The following SH3PXD2A variants were observed in gnomAD, a reference collection of about 807,000 sequenced individuals.
SH3PXD2A encodes the protein SH3 and PX domains 2A.
A neutral mutation model predicts 115.2 loss-of-function variants in SH3PXD2A; 32 were observed. That is an observed-to-expected ratio of 0.28 (90% CI 0.21 to 0.37). The LOEUF is 0.37. SH3PXD2A is among the 10% of genes least tolerant of loss of function. The pLI, the probability that SH3PXD2A is intolerant of heterozygous loss-of-function variation, is 1.00. For missense variants in SH3PXD2A, 1,328 were observed against 1,498.7 expected (o/e 0.89, Z 1.88); for synonymous variants, 610 against 629.1 (o/e 0.97, Z 0.45).
intron 6 of SH3PXD2A, among the ~76,000 whole-genome samples, chr10:103,675,176 G>C (rs1002138618): frequency 1.3e-5 from 2 of 152,222 alleles, no homozygotes; most frequent in African/African-American, 4.8e-5. Context: ...AGCTGGCTTC[G>C]TGGAGGTGTG....
intron 3 of SH3PXD2A, among the ~76,000 whole-genome samples, chr10:103,744,076 T>C (rs763671434): frequency 3.3e-5 from 5 of 151,988 alleles, no homozygotes; most frequent in African/African-American, 4.8e-5. Flanking sequence ...TTCCTGACCA[T>C]GGGGCCACCC....
At position 103,617,204 on chromosome 10, in the gene SH3PXD2A, A is replaced by G. The variant is rs1485117246; in HGVS notation, c.913T>C (p.Tyr305His). The G allele has an allele frequency of 1.2e-6, 2 of 1,611,424 alleles. No individual in the cohort carries two copies. The highest frequency in any genetic ancestry group is 1.1e-5 in the South Asian group (1 of 90,996). Reference sequence around the variant, plus strand: ...AATGTAAGGGTTCCCTACCTGATATACCACCAGCCTTCCAGATTCTTCCGG... The same window carrying G: ...AATGTAAGGGTTCCCTACCTGATATGCCACCAGCCTTCCAGATTCTTCCGG... ...VIRKNLEGWWYIRYLGKEGWA... is the reference protein window; with the variant it reads ...VIRKNLEGWWHIRYLGKEGWA... The change falls in exon 11 of 15, where the codon TAT becomes CAT. Residue 305 changes from tyrosine to histidine, a missense_variant. Coordinates refer to ENST00000369774, the MANE Select transcript of SH3PXD2A (RefSeq NM_001394015.1).
intron 8 of SH3PXD2A, among the ~76,000 whole-genome samples, chr10:103,643,057 C>T (rs564119212): frequency 6.6e-6 from 1 of 152,192 alleles, no homozygotes; most frequent in Non-Finnish European, 1.5e-5. Context: ...CCTCCAAAGC[C>T]TCCTTATTTA....
At chr10:103,605,740 G>A in intron 14 of SH3PXD2A, 58 bp downstream of exon 14, 1 of 1,609,000 alleles carries the variant, frequency 6.2e-7, no homozygotes. Context: ...AATGGGAAAT[G>A]CAGTAGGTTT....
intron 4 of SH3PXD2A, among the ~76,000 whole-genome samples, chr10:103,729,983 CCA>C (rs2038294690): frequency 6.6e-6 from 1 of 152,164 alleles, no homozygotes. Flanking sequence ...TCTAAGACCT[CCA>C]CTCAGCTATG....
At chr10:103,662,138 G>A (rs1408708395) in intron 7 of SH3PXD2A, among the ~76,000 whole-genome samples, 1 of 152,118 alleles carries the variant, frequency 6.6e-6, no homozygotes, top group Non-Finnish European at 1.5e-5. Context: ...GTCAAAAGCT[G>A]GGTGCAGCAG....
intron 3 of SH3PXD2A, among the ~76,000 whole-genome samples, chr10:103,762,014 CTTTTTTTTTTTTT>C (rs79615908): frequency 0.42 from 38,589 of 92,662 alleles, 5,914 homozygotes; most frequent in Middle Eastern, 0.54. Flanking sequence ...ATCAACACGT[CTTTTTTTTTTTTT>C]TTTTTTTTTT....
At chr10:103,694,831 G>A (rs1034361895) in intron 5 of SH3PXD2A, among the ~76,000 whole-genome samples, 1 of 152,168 alleles carries the variant, frequency 6.6e-6, no homozygotes, top group South Asian at 2.1e-4. Context: ...ACAGAAAGGT[G>A]GGAGAGCTTC....
intron 3 of SH3PXD2A, among the ~76,000 whole-genome samples, chr10:103,742,949 C>G (rs1388876584): frequency 4.1e-5 from 3 of 72,754 alleles, no homozygotes; most frequent in African/African-American, 3.4e-4. Context: ...GAACCTCCCT[C>G]CCCCCCTCAA....
intron 1 of SH3PXD2A, among the ~76,000 whole-genome samples, chr10:103,840,194 G>T (rs750460750): frequency 2.0e-4 from 30 of 152,250 alleles, no homozygotes; most frequent in Non-Finnish European, 3.5e-4. Flanking sequence ...CGGGGAGGTT[G>T]CCCCGCTTCC....
chr10:103,763,942 T>A (rs908038599), intron 3 of SH3PXD2A, among the ~76,000 whole-genome samples: 1 of 152,234 alleles, frequency 6.6e-6, no homozygotes, highest in Non-Finnish European at 1.5e-5. Context: ...CACACATCTC[T>A]GCCTCACTTC....
At chr10:103,607,579 C>T (rs1275433548) in intron 13 of SH3PXD2A, among the ~76,000 whole-genome samples, 22 of 151,658 alleles carry the variant, frequency 1.5e-4, no homozygotes, top group Non-Finnish European at 2.4e-4. Context: ...AGGTGAGGGG[C>T]GCCTCTGCCC....
chr10:103,703,381 G>C (rs2037943352), intron 5 of SH3PXD2A, among the ~76,000 whole-genome samples: 1 of 152,252 alleles, frequency 6.6e-6, no homozygotes, highest in Non-Finnish European at 1.5e-5. Flanking sequence ...GTCAGCTTAA[G>C]TCACTTGCCT....
At chr10:103,839,312 G>T (rs2039574520) in intron 1 of SH3PXD2A, among the ~76,000 whole-genome samples, 1 of 152,130 alleles carries the variant, frequency 6.6e-6, no homozygotes, top group African/African-American at 2.4e-5. Flanking sequence ...CAAAAGTCAG[G>T]TCAGGAGAAC....
chr10:103,622,331 G>C, intron 10 of SH3PXD2A, 139 bp downstream of exon 10: 2 of 642,052 alleles, frequency 3.1e-6, no homozygotes. Flanking sequence ...AGCTGCAGTA[G>C]GTGAGAAGAA....
chr10:103,602,580 C>G lies in SH3PXD2A; in HGVS notation c.2638G>C (p.Val880Leu). Residue 880 changes from valine (V) to leucine (L), a missense_variant, in exon 15 of 15, where the codon GTG becomes CTG. Physicochemically the swap from Val to Leu is conservative, Grantham distance 32. Coordinates refer to ENST00000369774, the MANE Select transcript of SH3PXD2A (RefSeq NM_001394015.1). Reference sequence around the variant, plus strand: ...CAGCCCTCCAGCTCCCCAAACCTCACATACCACCACCCGCTCTCCTGCTTC... The same window carrying G: ...CAGCCCTCCAGCTCCCCAAACCTCAGATACCACCACCCGCTCTCCTGCTTC... ...LEKQESGWWY[V>L]RFGELEGWAP... 1 of 1,614,222 alleles carries G rather than the reference C, an allele frequency of 6.2e-7. No homozygotes were observed. The highest frequency in any genetic ancestry group is 8.5e-7 in the Non-Finnish European group (1 of 1,180,046).
intron 2 of SH3PXD2A, among the ~76,000 whole-genome samples, chr10:103,770,223 T>G (rs766688854): frequency 1.3e-5 from 2 of 152,240 alleles, no homozygotes; most frequent in African/African-American, 2.4e-5. Flanking sequence ...TTCTTTTTTC[T>G]TAAGAGACCA....
At chr10:103,849,371 G>A (rs74950072) in intron 1 of SH3PXD2A, among the ~76,000 whole-genome samples, 106 of 152,312 alleles carry the variant, frequency 7.0e-4, no homozygotes, top group African/African-American at 2.1e-3. Flanking sequence ...AAGTAAAATC[G>A]CCTCTAAAGG....
At chr10:103,610,470 A>G (rs2036409337) in intron 13 of SH3PXD2A, among the ~76,000 whole-genome samples, 1 of 152,238 alleles carries the variant, frequency 6.6e-6, no homozygotes, top group Admixed American at 6.5e-5. Flanking sequence ...TCAGGAGGAA[A>G]AAGAGAAACT....
Sources: gnomAD v4.1 joint callset for allele counts (sites outside exome capture counted in the v4.1 genomes callset) on GRCh38, gnomAD v4.1.1 for gene constraint, MANE v1.5 for transcripts, NCBI Gene and HGNC (gene_info 2026-07-23, HGNC 2026-07-21) for gene names.